GPM6A: variants seen among roughly 807,000 people sequenced by gnomAD.
GPM6A encodes glycoprotein M6A.
In GPM6A, 7 loss-of-function variants were observed where a neutral mutation model predicts 32.1. The ratio of observed to expected loss-of-function variants is 0.22; its 90% CI spans 0.12 to 0.41. GPM6A has a LOEUF of 0.41. Ranked by LOEUF, GPM6A falls within the 10% of genes least tolerant of loss-of-function variation. The pLI, the probability that GPM6A is intolerant of heterozygous loss-of-function variation, is 1.00. For missense variants in GPM6A, 235 were observed against 347.2 expected (o/e 0.68, Z 2.57); for synonymous variants, 130 against 123.4 (o/e 1.05, Z -0.35).
chr4:175,877,106 T>G (rs1368007482), intron 1 of GPM6A, among the ~76,000 whole-genome samples: 1 of 152,134 alleles, frequency 6.6e-6, no homozygotes. Flanking sequence ...TCAGAGGATG[T>G]CCAGTGGTGA....
rs1242964859 is a variant in GPM6A at position 175,651,893 on chromosome 4, A to G, written c.482T>C (p.Ile161Thr). 1 of 1,613,650 alleles carries G rather than the reference A, an allele frequency of 6.2e-7. No homozygotes were observed. The highest frequency in any genetic ancestry group is 8.5e-7 in the Non-Finnish European group (1 of 1,179,658). Residue 161 changes from isoleucine to threonine, a missense_variant, in exon 4 of 7, where the codon ATC becomes ACC. By Grantham distance (89) the Ile-to-Thr change is moderately conservative. Around this residue, in one of 3 missense-constraint regions of GPM6A, gnomAD observed 107 missense variants for 116.7 expected, o/e 0.92. Coordinates refer to ENST00000393658, the MANE Select transcript of GPM6A (RefSeq NM_201591.3). Reference sequence around the variant, plus strand: ...CTCCACTAATGTGGTGTTCCGGCAGATGGTCCACAGATTGAAGTACATGTA... The same window carrying G: ...CTCCACTAATGTGGTGTTCCGGCAGGTGGTCCACAGATTGAAGTACATGTA... ...PVYMYFNLWT[I>T]CRNTTLVEGA...
chr4:175,769,854 CATAG>C (rs1418448463), intron 1 of GPM6A, among the ~76,000 whole-genome samples: 1 of 152,130 alleles, frequency 6.6e-6, no homozygotes, highest in Admixed American at 6.5e-5. Context: ...TAAGACTAAT[CATAG>C]ATAGTCTCAA....
intron 1 of GPM6A, among the ~76,000 whole-genome samples, chr4:175,915,438 C>A (rs1738461837): frequency 6.6e-6 from 1 of 152,040 alleles, no homozygotes; most frequent in Admixed American, 6.6e-5. Flanking sequence ...AGGCACCCAC[C>A]AGCACATGCG....
At chr4:175,883,066 A>C (rs1257769158) in intron 1 of GPM6A, among the ~76,000 whole-genome samples, 3 of 152,176 alleles carry the variant, frequency 2.0e-5, no homozygotes, top group African/African-American at 7.2e-5. Context: ...AGAGTAGCTC[A>C]CATGGCTGAA....
rs189048537 is a variant in GPM6A at position 175,766,240 on chromosome 4, A to G, written c.37+45951T>C. 2.0e-5 allele frequency among the ~76,000 whole-genome samples: 3 copies of G among 152,344 alleles called. No homozygotes were observed. The East Asian group carries it at 5.8e-4, about 29-fold the overall frequency. ...TTCATGTAATTAAAATTTTCATAAA[A>G]TACTAAAATTAGGACTAGTAATTAA... is the stretch of plus-strand genomic sequence containing the variant. On this transcript the variant is annotated intron_variant, in intron 1 of 6. Transcript: ENST00000393658.
At chr4:175,663,843 G>A (rs1040776489) in intron 3 of GPM6A, among the ~76,000 whole-genome samples, 9 of 151,682 alleles carry the variant, frequency 5.9e-5, no homozygotes, top group Admixed American at 1.3e-4. Context: ...ACAGGCGCCC[G>A]CCACTACGCC....
intron 1 of GPM6A, among the ~76,000 whole-genome samples, chr4:175,737,313 C>A (rs1731701525): frequency 1.3e-5 from 2 of 151,860 alleles, no homozygotes; most frequent in South Asian, 4.2e-4. Context: ...TGTAATCCTG[C>A]ACGCCTATAA....
intron 1 of GPM6A, among the ~76,000 whole-genome samples, chr4:175,933,253 A>T (rs1349632870): frequency 6.6e-6 from 1 of 152,288 alleles, no homozygotes; most frequent in African/African-American, 2.4e-5. Context: ...GACACTCAAT[A>T]TCTCCAATCT....
At chr4:175,936,423 G>A (rs1037558131) in intron 1 of GPM6A, among the ~76,000 whole-genome samples, 1 of 139,302 alleles carries the variant, frequency 7.2e-6, no homozygotes, top group African/African-American at 3.1e-5. Flanking sequence ...GTAACTACAT[G>A]CATTAAACTG....
At chr4:175,715,551 G>A (rs925752393) in intron 1 of GPM6A, among the ~76,000 whole-genome samples, 2 of 152,146 alleles carry the variant, frequency 1.3e-5, no homozygotes, top group African/African-American at 4.8e-5. Context: ...TGGGAGAGGG[G>A]ATGGGAGGAA....
At chr4:175,640,852 G>A (rs1741098816) in intron 4 of GPM6A, 23 bp from the exon 5 acceptor site, 1 of 1,463,962 alleles carries the variant, frequency 6.8e-7, no homozygotes, top group Non-Finnish European at 9.6e-7. Context: ...GGAAATGACA[G>A]TTTAGCAGTA....
At chr4:175,787,498 G>A (rs1733848383) in intron 1 of GPM6A, 3 of 1,471,492 alleles carry the variant, frequency 2.0e-6, no homozygotes, top group Non-Finnish European at 2.7e-6. Context: ...ACTATTTTTG[G>A]TCCTTTTTGT....
Position 175,901,329 on chromosome 4 carries a change from G to A in GPM6A, c.-22-89080C>T, listed in dbSNP as rs958336347. On this transcript the variant is annotated intron_variant, in intron 1 of 7. Coordinates refer to the GPM6A transcript ENST00000280187. The stretch of plus-strand genomic sequence containing the variant: ...TTTGTAACTCAAAGGATAAATGCTC[G>A]AGAGGATGAATACCTCATTCTCCAT... Among the ~76,000 whole-genome samples the A allele has an allele frequency of 5.9e-5, 9 of 152,066 alleles. No homozygotes were observed. The East Asian group carries it at 7.7e-4, about 13-fold the overall frequency.
chr4:175,666,453 G>A (rs1311148003), intron 3 of GPM6A, among the ~76,000 whole-genome samples: 1 of 151,960 alleles, frequency 6.6e-6, no homozygotes, highest in African/African-American at 2.4e-5. Context: ...GAAAGGCAGA[G>A]TCAAAAAAAA....
intron 1 of GPM6A, among the ~76,000 whole-genome samples, chr4:175,855,327 C>T (rs1425988605): frequency 6.6e-6 from 1 of 152,122 alleles, no homozygotes; most frequent in Non-Finnish European, 1.5e-5. Context: ...GTTCAGTTTG[C>T]ATTTGCAAAA....
chr4:175,693,608 G>C (rs571998643), intron 2 of GPM6A, among the ~76,000 whole-genome samples: 2 of 152,144 alleles, frequency 1.3e-5, no homozygotes, highest in East Asian at 3.9e-4. Context: ...TTCTTTATAT[G>C]ATGCCAAGAA....
At chr4:175,639,173 C>CA (rs1247445379) in intron 6 of GPM6A, among the ~76,000 whole-genome samples, 1 of 151,914 alleles carries the variant, frequency 6.6e-6, no homozygotes, top group African/African-American at 2.4e-5. Flanking sequence ...TTTAATAAAA[C>CA]AAATTAAATA....
At chr4:175,921,256 A>C (rs952936037) in intron 1 of GPM6A, among the ~76,000 whole-genome samples, 6 of 152,168 alleles carry the variant, frequency 3.9e-5, no homozygotes, top group Admixed American at 6.5e-5. Flanking sequence ...AAAAAAAATC[A>C]TCTCCAATCT....
At chr4:175,654,710 ATCT>A (rs1485234734) in intron 3 of GPM6A, among the ~76,000 whole-genome samples, 1 of 152,152 alleles carries the variant, frequency 6.6e-6, no homozygotes, top group South Asian at 2.1e-4. Context: ...AAGTGAAGAA[ATCT>A]TCTTAAAAGA....
Sources: allele counts gnomAD v4.1 joint callset (sites outside exome capture counted in the v4.1 genomes callset), GRCh38; gene constraint gnomAD v4.1.1; regional missense constraint gnomAD v4.1.1; transcripts MANE v1.5; gene names NCBI Gene and HGNC (gene_info 2026-07-23, HGNC 2026-07-21).